The following COL28A1 variants were observed in gnomAD, a reference collection of about 807,000 sequenced individuals.
The protein encoded by COL28A1 is collagen alpha-1(XXVIII) chain.
A neutral mutation model predicts 150.2 loss-of-function variants in COL28A1; 161 were observed. That is an observed-to-expected ratio of 1.07 (90% CI 0.94 to 1.22). The LOEUF (loss-of-function observed/expected upper bound fraction) is 1.22, where lower values mean the gene tolerates loss of function less well. Ranked by LOEUF, COL28A1 falls within the 50% of genes most tolerant of loss-of-function variation. The pLI is 0.00. For missense variants in COL28A1, 1,617 were observed against 1,388.3 expected, an observed-to-expected ratio of 1.16 and a Z score of -2.62; for synonymous variants, 552 against 469.7, an observed-to-expected ratio of 1.18 and a Z score of -2.26.
chr7:7,485,237 C>G (rs1424724395), intron 13 of COL28A1, among the ~76,000 whole-genome samples: 1 of 151,808 alleles, frequency 6.6e-6, no homozygotes, highest in Non-Finnish European at 1.5e-5. Flanking sequence ...ATATACATAC[C>G]AAGTTGTGCA....
chr7:7,383,170 C>CT (rs1170163850), intron 27 of COL28A1, among the ~76,000 whole-genome samples: 1 of 151,952 alleles, frequency 6.6e-6, no homozygotes, highest in Non-Finnish European at 1.5e-5. Context: ...GAAAAAATCT[C>CT]TATCTGAAAT....
intron 27 of COL28A1, among the ~76,000 whole-genome samples, chr7:7,388,807 G>C (rs1416690826): frequency 6.6e-6 from 1 of 152,116 alleles, no homozygotes; most frequent in Non-Finnish European, 1.5e-5. Context: ...GTCTTCTTTT[G>C]AGAAGTGTCT....
At chr7:7,484,296 TAC>T (rs1191137469) in intron 13 of COL28A1, among the ~76,000 whole-genome samples, 5 of 152,100 alleles carry the variant, frequency 3.3e-5, no homozygotes, top group African/African-American at 1.2e-4. Flanking sequence ...ATGGAATTAG[TAC>T]ACAATCCAGA....
intron 4 of COL28A1, among the ~76,000 whole-genome samples, chr7:7,522,711 T>C (rs1258489884): frequency 6.7e-6 from 1 of 149,712 alleles, no homozygotes; most frequent in Admixed American, 6.7e-5. Flanking sequence ...TTACCAGGGG[T>C]GTCTAATCTT....
rs12702611 is a variant in COL28A1 at position 7,357,985 on chromosome 7, A to G, written c.*648T>C. 93,252 of 151,824 alleles carry G rather than the reference A, an allele frequency of 0.61. 32,667 individuals carry two copies. Among genetic ancestry groups the G allele is most frequent in the East Asian group, 0.87 (4,496 of 5,146 alleles). 9.4% of individuals were successfully genotyped at this position (151,824 alleles called of 1,614,324 possible). Reference sequence around the variant, plus strand: ...CCTTCTTTGTTTTAACATACATTAAACACTTGTTACCAAACATGTTGGAGG... The same window carrying G: ...CCTTCTTTGTTTTAACATACATTAAGCACTTGTTACCAAACATGTTGGAGG... On this transcript the variant is annotated 3_prime_UTR_variant, in exon 35 of 35. Coordinates refer to ENST00000399429, the MANE Select transcript of COL28A1 (RefSeq NM_001037763.3).
At chr7:7,522,659 A>G (rs373077901) in intron 4 of COL28A1, among the ~76,000 whole-genome samples, 1 of 152,144 alleles carries the variant, frequency 6.6e-6, no homozygotes, top group East Asian at 1.9e-4. Context: ...ATTACGCAGA[A>G]AAACAAGGAC....
At chr7:7,359,230 A>C (rs1780502968) in intron 34 of COL28A1, among the ~76,000 whole-genome samples, 1 of 152,150 alleles carries the variant, frequency 6.6e-6, no homozygotes, top group South Asian at 2.1e-4. Flanking sequence ...TTCTGTTCAC[A>C]GAAGGCACCA....
chr7:7,391,974 G>A (rs1782571200), intron 27 of COL28A1, among the ~76,000 whole-genome samples: 1 of 151,920 alleles, frequency 6.6e-6, no homozygotes, highest in Non-Finnish European at 1.5e-5. Context: ...GGGGCATTTA[G>A]CCCGTTTACA....
chr7:7,368,135 A>C (rs1364596583), intron 33 of COL28A1, among the ~76,000 whole-genome samples: 1 of 152,040 alleles, frequency 6.6e-6, no homozygotes, highest in Non-Finnish European at 1.5e-5. Flanking sequence ...AATCAGGGTT[A>C]TTCTTTCTGT....
chr7:7,509,522 G>A (rs1781007793), intron 9 of COL28A1, among the ~76,000 whole-genome samples: 1 of 152,042 alleles, frequency 6.6e-6, no homozygotes, highest in Non-Finnish European at 1.5e-5. Flanking sequence ...AACTCTTCGT[G>A]TCAAGGACTC....
At position 7,380,937 on chromosome 7, in the gene COL28A1, G is replaced by GT. The variant is rs112597341; in HGVS notation, c.2206-76dup. On this transcript the variant is annotated intron_variant, in intron 28 of 34. Transcript: ENST00000399429. ...CAGATAAGAAAAGCTCTATAATTTG[G>GT]TTATCTGCAACTGGCATCTCTTGAA... is the stretch of plus-strand genomic sequence containing the variant. 8,727 of 1,307,000 alleles carry GT rather than the reference G, an allele frequency of 6.7e-3. 449 individuals carry two copies. In the African/African-American group the frequency reaches 0.11, roughly 16 times the overall value. The allele number at this position is 1,307,000 out of a possible 1,614,324, so 81.0% of individuals were successfully genotyped here.
At chr7:7,543,439 C>A in the COL28A1 span, among the ~76,000 whole-genome samples, 1 of 152,174 alleles carries the variant, frequency 6.6e-6, no homozygotes, top group Non-Finnish European at 1.5e-5. Flanking sequence ...TGAGTTTAAT[C>A]TGCATTATTG....
At chr7:7,481,074 G>A (rs17168144) in intron 13 of COL28A1, among the ~76,000 whole-genome samples, 14,491 of 152,184 alleles carry the variant, frequency 0.095, 886 homozygotes, top group Middle Eastern at 0.21. Context: ...GTCCTTTCAT[G>A]GAAGTTTTTA....
rs561193691 is a variant in COL28A1, at chr7:7,397,596, AT to A, written c.2137-15985del. ...ATATGTGTATGTGCAAGTTAACTTA[AT>A]TTGCACTCTAGGGATGCTAAGTTAA... is the stretch of plus-strand genomic sequence containing the variant. On this transcript the variant is annotated intron_variant, in intron 27 of 34. Coordinates refer to ENST00000399429, the MANE Select transcript of COL28A1 (RefSeq NM_001037763.3). Among the ~76,000 whole-genome samples, 682 of 152,318 alleles carry A rather than the reference AT, an allele frequency of 4.5e-3. 2 individuals carry two copies. Among genetic ancestry groups the A allele is most frequent in the Non-Finnish European group, 8.4e-3 (568 of 68,012 alleles).
intron 15 of COL28A1, among the ~76,000 whole-genome samples, chr7:7,457,990 T>C (rs1787307579): frequency 6.6e-6 from 1 of 152,202 alleles, no homozygotes; most frequent in Non-Finnish European, 1.5e-5. Flanking sequence ...GCTTTGGTAG[T>C]ACAAAAGTAG....
At chr7:7,387,813 G>C (rs11525818) in intron 27 of COL28A1, among the ~76,000 whole-genome samples, 85,142 of 152,040 alleles carry the variant, frequency 0.56, 26,655 homozygotes, top group South Asian at 0.7. Context: ...CTGCTGCAGC[G>C]GCTAAAGCAT....
At chr7:7,508,554 C>T (rs775469296) in intron 9 of COL28A1, among the ~76,000 whole-genome samples, 21 of 152,168 alleles carry the variant, frequency 1.4e-4, no homozygotes, top group East Asian at 3.8e-4. Context: ...TTCCACTACC[C>T]GAGTATGAGA....
At chr7:7,446,739 G>T (rs899987178) in intron 18 of COL28A1, among the ~76,000 whole-genome samples, 13 of 152,182 alleles carry the variant, frequency 8.5e-5, no homozygotes, top group Non-Finnish European at 1.5e-4. Flanking sequence ...TTCTTCCAGT[G>T]CCTGTACAAA....
At chr7:7,451,612 C>A (rs535743784) in intron 18 of COL28A1, among the ~76,000 whole-genome samples, 1 of 151,844 alleles carries the variant, frequency 6.6e-6, no homozygotes, top group Non-Finnish European at 1.5e-5. Flanking sequence ...AACGGCTGAG[C>A]CTTACTATAT....
Sources: gnomAD v4.1 joint callset for allele counts (sites outside exome capture counted in the v4.1 genomes callset) on GRCh38, gnomAD v4.1.1 for gene constraint, MANE v1.5 for transcripts, NCBI Gene and HGNC (gene_info 2026-07-23, HGNC 2026-07-21) for gene names.